The following RNF4 variants were observed in gnomAD, a reference collection of about 807,000 sequenced individuals.
RNF4 encodes ring finger protein 4.
In RNF4, 7 loss-of-function variants were observed where a neutral mutation model predicts 24.3. The observed-to-expected ratio is 0.29, with a 90% CI of 0.16 to 0.54. RNF4 has a LOEUF of 0.54. Among genes scored for constraint, RNF4 ranks in the 20% least tolerant of loss-of-function variants. The pLI is 0.95. For missense variants in RNF4, 209 were observed against 248.5 expected, an observed-to-expected ratio of 0.84 and a Z score of 1.07; for synonymous variants, 83 against 84.3, an observed-to-expected ratio of 0.98 and a Z score of 0.09.
chr4:2,501,654 T>C (rs1560410588), intron 4 of RNF4, among the ~76,000 whole-genome samples: 2 of 152,158 alleles, frequency 1.3e-5, no homozygotes, highest in Admixed American at 6.5e-5. Context: ...TTTCTGACAG[T>C]GTGCTCGGAA....
intron 4 of RNF4, among the ~76,000 whole-genome samples, chr4:2,501,848 G>A (rs995701209): frequency 1.3e-5 from 2 of 152,158 alleles, no homozygotes; most frequent in Non-Finnish European, 2.9e-5. Context: ...CCCCATAGGT[G>A]TTGCTTCTTA....
intron 4 of RNF4, 28 bp from the exon 5 acceptor site, chr4:2,511,924 TTCTC>T: frequency 6.3e-7 from 1 of 1,591,792 alleles, no homozygotes; most frequent in Admixed American, 1.8e-5. Flanking sequence ...GATTGCTTCT[TTCTC>T]TTTTGTTTTT....
intron 3 of RNF4, among the ~76,000 whole-genome samples, chr4:2,500,017 G>A (rs537790578): frequency 3.0e-4 from 46 of 152,180 alleles, no homozygotes; most frequent in South Asian, 2.1e-4. Context: ...AATTAGCCAG[G>A]CATGCTGCCA....
rs527266372 is a variant in RNF4 at position 2,486,703 on chromosome 4, A to C, written c.-157-3634A>C. On this transcript the variant is annotated intron_variant, in intron 1 of 7. Coordinates refer to ENST00000314289, the MANE Select transcript of RNF4 (RefSeq NM_002938.5). ...GACAGCCACAAGGCACATCTTCAGCAGCCGTATTTGGAAGCCTCAATATCA... is the reference window on the plus strand; with the variant it reads ...GACAGCCACAAGGCACATCTTCAGCCGCCGTATTTGGAAGCCTCAATATCA... 8.5e-5 allele frequency among the ~76,000 whole-genome samples: 13 copies of C among 152,316 alleles called. No individual in the cohort carries two copies. In the East Asian group the frequency reaches 2.3e-3, roughly 27 times the overall value.
intron 1 of RNF4, among the ~76,000 whole-genome samples, chr4:2,472,474 G>A (rs939948920): frequency 2.0e-5 from 3 of 152,060 alleles, no homozygotes; most frequent in Admixed American, 6.6e-5. Flanking sequence ...TCTTGAGGCT[G>A]AGCACAGTGG....
chr4:2,489,650 T>C (rs776897891), intron 1 of RNF4, among the ~76,000 whole-genome samples: 3 of 152,184 alleles, frequency 2.0e-5, no homozygotes, highest in Non-Finnish European at 4.4e-5. Context: ...GTCCTTGCTT[T>C]GGCTCTCTCT....
intron 4 of RNF4, among the ~76,000 whole-genome samples, chr4:2,509,999 G>A (rs773389342): frequency 6.6e-6 from 1 of 152,192 alleles, no homozygotes. Flanking sequence ...ACAGTACATT[G>A]TGCCGGCCCT....
In RNF4 at chr4:2,514,051, T is replaced by C; in HGVS notation, c.*232T>C. The C allele has an allele frequency of 3.9e-6, 2 of 519,358 alleles. No individual in the cohort carries two copies. The highest frequency in any genetic ancestry group is 6.8e-6 in the Non-Finnish European group (2 of 295,064). The allele number at this position is 519,358 out of a possible 1,614,324, so 32.2% of individuals were successfully genotyped here. On this transcript the variant is annotated 3_prime_UTR_variant, in exon 8 of 8. Coordinates refer to ENST00000314289, the MANE Select transcript of RNF4 (RefSeq NM_002938.5). Reference sequence around the variant, plus strand: ...CTGTTCCTCTGGGGTGGTCCAGTTCTAGAGTGGGAGAAAGGGAGTCAGGCG... The same window carrying C: ...CTGTTCCTCTGGGGTGGTCCAGTTCCAGAGTGGGAGAAAGGGAGTCAGGCG...
At chr4:2,492,610 T>C (rs1735614957) in intron 2 of RNF4, among the ~76,000 whole-genome samples, 1 of 152,108 alleles carries the variant, frequency 6.6e-6, no homozygotes, top group East Asian at 1.9e-4. Context: ...AGATGGATGG[T>C]GGGGACAGGT....
chr4:2,507,780 A>G (rs1204286380), intron 4 of RNF4, among the ~76,000 whole-genome samples: 4 of 152,142 alleles, frequency 2.6e-5, no homozygotes, highest in Admixed American at 6.5e-5. Context: ...GCTCTGACCT[A>G]TGGACTGTTG....
At position 2,512,693 on chromosome 4, in the gene RNF4, G is replaced by A. The variant is rs1425809979; in HGVS notation, c.374+96G>A. 5.6e-6 allele frequency: 8 copies of A among 1,430,354 alleles called. No homozygotes were observed. Among genetic ancestry groups the A allele is most frequent in the South Asian group, 2.7e-5 (2 of 74,142 alleles). 88.6% of individuals were successfully genotyped at this position (1,430,354 alleles called of 1,614,324 possible). A position where few individuals can be genotyped will look rare whatever the true frequency, so the allele number is the denominator to read the frequency against. On this transcript the variant is annotated intron_variant, in intron 6 of 7. Coordinates refer to ENST00000314289, the MANE Select transcript of RNF4 (RefSeq NM_002938.5). The surrounding 1 kb of genome is among the most constrained non-coding windows in gnomAD (Gnocchi z 4.1). ...GCAAATCTGTGAGCCCTTGGCCCTG[G>A]AAGGGCTTGCCCAAGCCTCTACCCA...
chr4:2,487,122 G>T lies in RNF4; in HGVS notation c.-157-3215G>T, dbSNP rs1039252256. Among the ~76,000 whole-genome samples the T allele has an allele frequency of 2.6e-5, 4 of 152,296 alleles. 1 individual carries two copies. The highest frequency in any genetic ancestry group is 1.9e-4 in the East Asian group (1 of 5,184). On this transcript the variant is annotated intron_variant, in intron 1 of 7. Coordinates refer to ENST00000314289, the MANE Select transcript of RNF4 (RefSeq NM_002938.5). The stretch of plus-strand genomic sequence containing the variant: ...TAAAGTTGAACACTTACCAGGTGAG[G>T]TGTTGCTTTGAGAAGCATTTGTGCT...
In RNF4 at chr4:2,513,537, C is replaced by G. The variant is rs772153083; in HGVS notation, c.424-133C>G. On this transcript the variant is annotated intron_variant, in intron 7 of 7. Coordinates refer to ENST00000314289, the MANE Select transcript of RNF4 (RefSeq NM_002938.5). Reference sequence around the variant, plus strand: ...GCAGACACAGTTAGCTCTCCAGACCCCTCCCTGTTGTAGCCTGGCCCTTGC... The same window carrying G: ...GCAGACACAGTTAGCTCTCCAGACCGCTCCCTGTTGTAGCCTGGCCCTTGC... The G allele has an allele frequency of 1.1e-5, 11 of 1,032,432 alleles. No individual in the cohort carries two copies. In the South Asian group the frequency reaches 1.7e-4, roughly 16 times the overall value. The allele number at this position is 1,032,432 out of a possible 1,614,324, so 64.0% of individuals were successfully genotyped here.
intron 1 of RNF4, among the ~76,000 whole-genome samples, chr4:2,477,019 T>C (rs1735098718): frequency 6.6e-6 from 1 of 151,902 alleles, no homozygotes; most frequent in Non-Finnish European, 1.5e-5. Flanking sequence ...TGACTTCAGG[T>C]GATCTGCCCG....
At position 2,513,146 on chromosome 4, in the gene RNF4, C is replaced by T. The variant is rs1379940390; in HGVS notation, c.423+15C>T. On this transcript the variant is annotated intron_variant, in intron 7 of 7. Transcript: ENST00000314289. ...GATACTCAGAGGTAAGTAAACCAAG[C>T]TGTATCTTCCAGGCTTCTGGTTTCT... is the stretch of plus-strand genomic sequence containing the variant. 1.9e-6 allele frequency: 3 copies of T among 1,611,440 alleles called. No homozygotes were observed. Among genetic ancestry groups the T allele is most frequent in the East Asian group, 2.2e-5 (1 of 44,872 alleles).
intron 2 of RNF4, among the ~76,000 whole-genome samples, chr4:2,496,734 C>T (rs1735746743): frequency 6.6e-6 from 1 of 152,164 alleles, no homozygotes; most frequent in South Asian, 2.1e-4. Context: ...GCTGGGATTA[C>T]AGGTGTGAGC....
At chr4:2,494,002 C>T (rs1271710894) in intron 2 of RNF4, among the ~76,000 whole-genome samples, 1 of 151,778 alleles carries the variant, frequency 6.6e-6, no homozygotes, top group Non-Finnish European at 1.5e-5. Context: ...GCCACCACGC[C>T]CAGCTACTTT....
chr4:2,484,797 C>T (rs558665846), intron 1 of RNF4, among the ~76,000 whole-genome samples: 10 of 152,232 alleles, frequency 6.6e-5, no homozygotes, highest in Admixed American at 3.9e-4. Flanking sequence ...GCCACTACCC[C>T]GAGCCTCATG....
intron 2 of RNF4, among the ~76,000 whole-genome samples, chr4:2,496,211 G>A (rs1338696849): frequency 8.5e-5 from 13 of 152,172 alleles, no homozygotes; most frequent in Admixed American, 2.0e-4. Context: ...TGCCCTGAAA[G>A]GTTCAAGGCC....
Sources: allele counts gnomAD v4.1 joint callset (sites outside exome capture counted in the v4.1 genomes callset), GRCh38; gene constraint gnomAD v4.1.1; non-coding constraint Gnocchi (gnomAD v3.1); transcripts MANE v1.5; gene names NCBI Gene and HGNC (gene_info 2026-07-23, HGNC 2026-07-21).